The following NBEA variants were observed in gnomAD, a reference collection of about 807,000 sequenced individuals.
NBEA encodes the protein neurobeachin, also known as lysosomal-trafficking regulator 2.
In NBEA, 44 loss-of-function variants were observed where a neutral mutation model predicts 343.4. The ratio of observed to expected loss-of-function variants is 0.13; its 90% CI spans 0.10 to 0.16. The LOEUF is 0.16. Among genes scored for constraint, NBEA ranks in the 10% least tolerant of loss-of-function variants. The pLI is 1.00. For missense variants in NBEA, 2,555 were observed against 3,631.3 expected (o/e 0.70, Z 7.62); for synonymous variants, 1,175 against 1,238.7 (o/e 0.95, Z 1.08).
chr13:35,335,134 A>G (rs1436258114), intron 36 of NBEA, among the ~76,000 whole-genome samples: 11 of 152,146 alleles, frequency 7.2e-5, no homozygotes, highest in Admixed American at 7.2e-4. Flanking sequence ...CACCTTTGTC[A>G]AAAATGAGTT....
At chr13:35,362,433 AT>A (rs1160781432) in intron 38 of NBEA, among the ~76,000 whole-genome samples, 1 of 151,984 alleles carries the variant, frequency 6.6e-6, no homozygotes, top group African/African-American at 2.4e-5. Context: ...AGATGAGAAA[AT>A]AAACTTTTCC....
chr13:35,310,062 T>C (rs2037254463), intron 36 of NBEA, among the ~76,000 whole-genome samples: 1 of 152,160 alleles, frequency 6.6e-6, no homozygotes, highest in Non-Finnish European at 1.5e-5. Context: ...GAAATTTGTA[T>C]ATTCTATTAT....
At chr13:35,400,962 T>C (rs535517293) in intron 38 of NBEA, among the ~76,000 whole-genome samples, 9 of 152,098 alleles carry the variant, frequency 5.9e-5, no homozygotes, top group African/African-American at 2.2e-4. Context: ...TCCCTCTTTA[T>C]CATTAAAGGC....
At chr13:35,457,897 G>A (rs111505709) in intron 40 of NBEA, among the ~76,000 whole-genome samples, 8,518 of 151,240 alleles carry the variant, frequency 0.056, 506 homozygotes, top group African/African-American at 0.15. Context: ...GTGAGCCACC[G>A]CGCCCAGCCG....
intron 46 of NBEA, among the ~76,000 whole-genome samples, chr13:35,585,658 A>G (rs1311981013): frequency 6.6e-6 from 1 of 151,898 alleles, no homozygotes; most frequent in Admixed American, 6.6e-5. Context: ...CCAAGTGCCT[A>G]CTAGATATTT....
At chr13:35,056,833 G>T (rs1273889372) in intron 7 of NBEA, among the ~76,000 whole-genome samples, 1 of 152,164 alleles carries the variant, frequency 6.6e-6, no homozygotes, top group Admixed American at 6.6e-5. Context: ...CAGCAGACAA[G>T]TGATGTGTGC....
intron 46 of NBEA, among the ~76,000 whole-genome samples, chr13:35,587,448 T>A (rs928725034): frequency 3.3e-5 from 5 of 152,190 alleles, no homozygotes; most frequent in Admixed American, 1.3e-4. Context: ...TCAATGACAA[T>A]CATTGCCTTA....
chr13:35,165,163 C>A (rs1490695261), intron 24 of NBEA: 1 of 529,912 alleles, frequency 1.9e-6, no homozygotes, highest in Non-Finnish European at 3.9e-6. Flanking sequence ...GGAAATATTT[C>A]ATTTTACTAA....
intron 55 of NBEA, among the ~76,000 whole-genome samples, chr13:35,659,424 A>G (rs1240538389): frequency 6.6e-6 from 1 of 152,248 alleles, no homozygotes; most frequent in Non-Finnish European, 1.5e-5. Context: ...CATTGTCATT[A>G]TTATATTGTA....
intron 37 of NBEA, among the ~76,000 whole-genome samples, chr13:35,351,446 G>A (rs1484949714): frequency 6.6e-6 from 1 of 151,850 alleles, no homozygotes; most frequent in Non-Finnish European, 1.5e-5. Context: ...TCCATTGATA[G>A]CAGTGTTGCT....
intron 4 of NBEA, among the ~76,000 whole-genome samples, chr13:35,048,032 GT>G: frequency 6.6e-6 from 1 of 151,828 alleles, no homozygotes; most frequent in South Asian, 2.1e-4. Context: ...CAGTAGTTAA[GT>G]TTCTGAGTAA....
chr13:35,273,850 T>A (rs7318102), intron 34 of NBEA, among the ~76,000 whole-genome samples: 6,451 of 152,074 alleles, frequency 0.042, 159 homozygotes, highest in South Asian at 0.078. Context: ...AATAATAGGT[T>A]CTGAAATTGA....
chr13:35,025,530 C>G (rs2061989546), intron 1 of NBEA, among the ~76,000 whole-genome samples: 4 of 152,070 alleles, frequency 2.6e-5, no homozygotes, highest in Admixed American at 2.6e-4. Flanking sequence ...GTCTGTGTGT[C>G]TGTTTTTGTA....
chr13:35,240,528 T>C (rs1187787070), intron 34 of NBEA, among the ~76,000 whole-genome samples: 1 of 151,946 alleles, frequency 6.6e-6, no homozygotes, highest in South Asian at 2.1e-4. Context: ...TGTTGAATTA[T>C]ACCATGGGAA....
chr13:35,173,165 G>C (rs186765389), intron 26 of NBEA, among the ~76,000 whole-genome samples: 1 of 152,200 alleles, frequency 6.6e-6, no homozygotes, highest in Admixed American at 6.6e-5. Flanking sequence ...GTGAAACTCA[G>C]AGGGTAACAG....
intron 33 of NBEA, among the ~76,000 whole-genome samples, chr13:35,229,698 A>G (rs1381503772): frequency 2.6e-5 from 4 of 152,126 alleles, no homozygotes; most frequent in East Asian, 3.9e-4. Flanking sequence ...TATAGCCACA[A>G]TATGTCTTTT....
intron 46 of NBEA, among the ~76,000 whole-genome samples, chr13:35,590,376 A>T (rs1033766868): frequency 2.6e-5 from 4 of 152,170 alleles, no homozygotes; most frequent in Non-Finnish European, 4.4e-5. Context: ...TGACCTTAAG[A>T]CAGTTGTTAA....
At chr13:35,582,970 A>G (rs1355779140) in intron 45 of NBEA, among the ~76,000 whole-genome samples, 2 of 152,236 alleles carry the variant, frequency 1.3e-5, no homozygotes, top group African/African-American at 2.4e-5. Context: ...ATTTTGAAAT[A>G]AAGTAGACAT....
intron 41 of NBEA, among the ~76,000 whole-genome samples, chr13:35,539,611 G>A (rs926644273): frequency 6.6e-6 from 1 of 151,852 alleles, no homozygotes; most frequent in Admixed American, 6.6e-5. Flanking sequence ...AGCTATAATG[G>A]ATTAAAATTA....
Sources: gnomAD v4.1 joint callset for allele counts (sites outside exome capture counted in the v4.1 genomes callset) on GRCh38, gnomAD v4.1.1 for gene constraint, MANE v1.5 for transcripts, NCBI Gene and HGNC (gene_info 2026-07-23, HGNC 2026-07-21) for gene names.